Variants in PUS10 observed in about 807,000 individuals in gnomAD.
PUS10 encodes the protein tRNA pseudouridine synthase Pus10.
Under a neutral mutation model 75.0 loss-of-function variants are expected in PUS10, and 59 were observed. That is an observed-to-expected ratio of 0.79 (90% CI 0.64 to 0.98). The LOEUF is 0.98. Among genes scored for constraint, PUS10 ranks in the 50% least tolerant of loss-of-function variants. The pLI is 0.00. For synonymous variants in PUS10, 219 were observed against 211.6 expected (o/e 1.03, Z -0.30); for missense variants, 650 against 614.4 (o/e 1.06, Z -0.61).
At chr2:60,948,377 C>A (rs1486182331) in intron 15 of PUS10, among the ~76,000 whole-genome samples, 192 bp from the exon 16 acceptor site, 4 of 152,158 alleles carry the variant, frequency 2.6e-5, no homozygotes, top group Non-Finnish European at 4.4e-5. Context: ...CATTTCACAC[C>A]GCCATGCCCG....
chr2:61,010,768 C>T (rs1679546664), intron 2 of PUS10: 3 of 1,549,276 alleles, frequency 1.9e-6, no homozygotes, highest in Admixed American at 3.9e-5. Flanking sequence ...AAATCCATGT[C>T]TTCTAGTTCC....
At position 61,017,716 on chromosome 2, in the gene PUS10, G is replaced by T; in HGVS notation, c.-16+292C>A. 5 of 1,496,672 alleles carry T rather than the reference G, an allele frequency of 3.3e-6. No homozygotes were observed. In the South Asian group the frequency reaches 6.0e-5, roughly 18 times the overall value. 92.7% of individuals were successfully genotyped at this position (1,496,672 alleles called of 1,614,324 possible). On this transcript the variant is annotated intron_variant, in intron 1 of 17. Coordinates refer to ENST00000316752, the MANE Select transcript of PUS10 (RefSeq NM_144709.4). ...TCCAGGTGCTGGTCTACGCGGGCCT[G>T]GACAGTCAGGGGTAGGAGCGGGAGC...
At chr2:60,983,400 T>C (rs989830602) in intron 4 of PUS10, among the ~76,000 whole-genome samples, 2 of 152,056 alleles carry the variant, frequency 1.3e-5, no homozygotes, top group African/African-American at 4.8e-5. Flanking sequence ...AAGGATAGGC[T>C]GGGCGCGGTG....
At chr2:60,987,292 G>A (rs1254582859) in intron 4 of PUS10, among the ~76,000 whole-genome samples, 4 of 152,194 alleles carry the variant, frequency 2.6e-5, no homozygotes, top group African/African-American at 4.8e-5. Flanking sequence ...CACGGGAAAG[G>A]AGAAAGGCAG....
At chr2:60,983,512 T>C (rs1677534753) in intron 4 of PUS10, among the ~76,000 whole-genome samples, 1 of 151,906 alleles carries the variant, frequency 6.6e-6, no homozygotes, top group African/African-American at 2.4e-5. Flanking sequence ...AACCCCTCTC[T>C]ACTAAAAAAT....
chr2:60,949,623 T>C (rs572971528), intron 15 of PUS10, among the ~76,000 whole-genome samples: 1 of 152,286 alleles, frequency 6.6e-6, no homozygotes, highest in East Asian at 1.9e-4. Context: ...AAATTTGAAA[T>C]GACTTTTTCT....
intron 4 of PUS10, among the ~76,000 whole-genome samples, chr2:60,975,265 G>T (rs1028192325): frequency 1.3e-5 from 2 of 152,052 alleles, no homozygotes; most frequent in Admixed American, 6.6e-5. Context: ...TCCTGCCTCT[G>T]CCTCCCGAGT....
chr2:61,018,002 G>A lies in PUS10; in HGVS notation c.-16+6C>T. The A allele has an allele frequency of 7.5e-7, 1 of 1,333,456 alleles. No individual in the cohort carries two copies. Among genetic ancestry groups the A allele is most frequent in the Non-Finnish European group, 1.0e-6 (1 of 985,300 alleles). The allele number at this position is 1,333,456 out of a possible 1,614,324, so 82.6% of individuals were successfully genotyped here. A position where few individuals can be genotyped will look rare whatever the true frequency, so the allele number is the denominator to read the frequency against. On this transcript the variant is annotated splice_donor_region_variant and intron_variant, in intron 1 of 17. Coordinates refer to ENST00000316752, the MANE Select transcript of PUS10 (RefSeq NM_144709.4). ...ATAGGGGCCGAGGTGGAGCTGGGGCGCTTACCAGTGGGGACTTTAGTGTCT... is the reference window on the plus strand; with the variant it reads ...ATAGGGGCCGAGGTGGAGCTGGGGCACTTACCAGTGGGGACTTTAGTGTCT...
intron 16 of PUS10, among the ~76,000 whole-genome samples, chr2:60,947,828 CAAAAAAAAAAAAAA>C (rs890632119): frequency 2.2e-5 from 1 of 46,058 alleles, no homozygotes; most frequent in African/African-American, 8.0e-5. Context: ...GACTCTGCCT[CAAAAAAAAAAAAAA>C]AAAAAAAAGA....
rs1163334015 is a variant in PUS10 at position 60,948,071 on chromosome 2, G to GGAA, written c.1420_1422dup (p.Phe474dup). 3.7e-6 allele frequency: 6 copies of GGAA among 1,613,938 alleles called. No individual in the cohort carries two copies. Among genetic ancestry groups the GGAA allele is most frequent in the Non-Finnish European group, 5.1e-6 (6 of 1,180,014 alleles). ...CCAGCCTGAGTTTTCAAGTGGAGGC[G>GGAA]GAAGTGGTGCTCATCCACGTACTGT... On this transcript the variant is annotated inframe_insertion, in exon 16 of 18. Coordinates refer to ENST00000316752, the MANE Select transcript of PUS10 (RefSeq NM_144709.4).
rs1674613311 is a variant in PUS10 at position 60,941,250 on chromosome 2, T to C, written c.*1145A>G. 1 of 152,292 alleles carries C rather than the reference T, an allele frequency of 6.6e-6. No homozygotes were observed. Among genetic ancestry groups the C allele is most frequent in the African/African-American group, 2.4e-5 (1 of 41,444 alleles). The allele number at this position is 152,292 out of a possible 1,614,324, so 9.4% of individuals were successfully genotyped here. A position where few individuals can be genotyped will look rare whatever the true frequency, so the allele number is the denominator to read the frequency against. On this transcript the variant is annotated 3_prime_UTR_variant, in exon 18 of 18. Coordinates refer to ENST00000316752, the MANE Select transcript of PUS10 (RefSeq NM_144709.4). ...TTAACTTAATAACAAATGGTAACTA[T>C]ATAAGATTGTATTAAATAGTCTTGG...
chr2:60,956,783 G>A (rs1675684880), intron 11 of PUS10, among the ~76,000 whole-genome samples: 1 of 151,934 alleles, frequency 6.6e-6, no homozygotes, highest in African/African-American at 2.4e-5. Flanking sequence ...AGACCATCCT[G>A]GCTAACTTGG....
At chr2:60,997,947 T>C (rs1678588704) in intron 4 of PUS10, among the ~76,000 whole-genome samples, 1 of 152,042 alleles carries the variant, frequency 6.6e-6, no homozygotes, top group African/African-American at 2.4e-5. Context: ...GTGCCTGTCA[T>C]ACAAAATAAA....
intron 17 of PUS10, 64 bp downstream of exon 17, chr2:60,944,945 C>G (rs1674849066): frequency 8.1e-7 from 1 of 1,235,892 alleles, no homozygotes; most frequent in African/African-American, 1.5e-5. Context: ...TGGCTTAATG[C>G]CAAAGAGCAT....
chr2:60,948,267 C>T, intron 15 of PUS10, 82 bp from the exon 16 acceptor site: 1 of 1,337,602 alleles, frequency 7.5e-7, no homozygotes, highest in Non-Finnish European at 1.1e-6. Flanking sequence ...CCTCACCATC[C>T]ATAGCTCACC....
chr2:60,984,826 A>G (rs1054001425), intron 4 of PUS10, among the ~76,000 whole-genome samples: 1 of 152,222 alleles, frequency 6.6e-6, no homozygotes, highest in Non-Finnish European at 1.5e-5. Flanking sequence ...ATGTTTCACT[A>G]AAGCAAACAA....
rs771535847 is a variant in PUS10 at position 61,009,019 on chromosome 2, G to C, written c.127-4C>G. ...TCTGTAGTTCATTGAGCAACTCCTG[G>C]AAAGTTAATGAAAGAAAAAGTAATG... On this transcript the variant is annotated splice_region_variant and splice_polypyrimidine_tract_variant and intron_variant, in intron 2 of 17. Coordinates refer to ENST00000316752, the MANE Select transcript of PUS10 (RefSeq NM_144709.4). 10 of 1,603,268 alleles carry C rather than the reference G, an allele frequency of 6.2e-6. No homozygotes were observed. The East Asian group carries it at 2.0e-4, about 32-fold the overall frequency.
At chr2:61,012,632 T>C (rs1679677081) in intron 1 of PUS10, among the ~76,000 whole-genome samples, 2 of 147,164 alleles carry the variant, frequency 1.4e-5, no homozygotes, top group Non-Finnish European at 3.0e-5. Flanking sequence ...GAGACCAGCC[T>C]AGCTAACATG....
At chr2:60,978,345 C>T (rs1158230147) in intron 4 of PUS10, among the ~76,000 whole-genome samples, 1 of 149,696 alleles carries the variant, frequency 6.7e-6, no homozygotes, top group African/African-American at 2.5e-5. Flanking sequence ...TCGCTTGAAC[C>T]TGGGAGGCGG....
Sources: gnomAD v4.1 joint callset for allele counts (sites outside exome capture counted in the v4.1 genomes callset) on GRCh38, gnomAD v4.1.1 for gene constraint, MANE v1.5 for transcripts, NCBI Gene and HGNC (gene_info 2026-07-23, HGNC 2026-07-21) for gene names.